The following TTC6 variants were observed in gnomAD, a reference collection of about 807,000 sequenced individuals.
The protein encoded by TTC6 is tetratricopeptide repeat domain 6, also known as tetratricopeptide repeat protein 6.
TTC6 carries 172 observed loss-of-function variants against 210.4 expected under a neutral mutation model. The ratio of observed to expected loss-of-function variants is 0.82; its 90% CI spans 0.72 to 0.93. The LOEUF (loss-of-function observed/expected upper bound fraction) is 0.93, where lower values mean the gene tolerates loss of function less well. Ranked by LOEUF, TTC6 falls within the 40% of genes least tolerant of loss-of-function variation. The pLI is 0.00. For missense variants in TTC6, 2,414 were observed against 2,318.1 expected, an observed-to-expected ratio of 1.04 and a Z score of -0.85; for synonymous variants, 804 against 819.6, an observed-to-expected ratio of 0.98 and a Z score of 0.32.
intron 1 of TTC6, among the ~76,000 whole-genome samples, chr14:37,634,899 T>A (rs2095677132): frequency 6.6e-6 from 1 of 152,120 alleles, no homozygotes; most frequent in South Asian, 2.1e-4. Flanking sequence ...GAAGGGGAAA[T>A]CAACACATTC....
At chr14:37,713,591 G>A (rs2095848019) in intron 5 of TTC6, among the ~76,000 whole-genome samples, 1 of 152,164 alleles carries the variant, frequency 6.6e-6, no homozygotes, top group African/African-American at 2.4e-5. Flanking sequence ...ATTAGAAGGA[G>A]GATGGAATGG....
intron 14 of TTC6, among the ~76,000 whole-genome samples, chr14:37,755,380 T>G (rs1212304570): frequency 1.3e-5 from 2 of 152,240 alleles, no homozygotes; most frequent in Admixed American, 1.3e-4. Flanking sequence ...CTCTTTAGTT[T>G]AATTAGATCC....
chr14:37,634,038 A>C (rs2095675260), intron 1 of TTC6, among the ~76,000 whole-genome samples: 1 of 152,188 alleles, frequency 6.6e-6, no homozygotes, highest in African/African-American at 2.4e-5. Flanking sequence ...ATAATATCCA[A>C]AATGTCCAGG....
intron 1 of TTC6, among the ~76,000 whole-genome samples, chr14:37,640,842 C>T (rs2095690528): frequency 6.6e-6 from 1 of 152,226 alleles, no homozygotes; most frequent in Admixed American, 6.5e-5. Flanking sequence ...CGCACCTAGC[C>T]AATGTAGACA....
chr14:37,767,654 T>C (rs2096003543), intron 14 of TTC6, among the ~76,000 whole-genome samples: 1 of 152,186 alleles, frequency 6.6e-6, no homozygotes, highest in Non-Finnish European at 1.5e-5. Context: ...GTTGTTTGTT[T>C]TTTTCTTGTA....
chr14:37,816,786 C>A (rs567834872), intron 25 of TTC6, among the ~76,000 whole-genome samples: 1 of 151,918 alleles, frequency 6.6e-6, no homozygotes, highest in African/African-American at 2.4e-5. Context: ...TTAAATGTAG[C>A]GATGTTCTTA....
chr14:37,818,751 G>A (rs1190256691), intron 26 of TTC6, among the ~76,000 whole-genome samples: 1 of 152,018 alleles, frequency 6.6e-6, no homozygotes, highest in East Asian at 1.9e-4. Flanking sequence ...ATTTTGTACA[G>A]ACAGCAAAAC....
intron 14 of TTC6, among the ~76,000 whole-genome samples, chr14:37,761,756 G>C (rs1477373941): frequency 2.0e-5 from 3 of 152,072 alleles, no homozygotes; most frequent in Non-Finnish European, 4.4e-5. Context: ...TTATATGATA[G>C]TATTCTTTTA....
At chr14:37,667,059 A>T (rs896057183) in intron 1 of TTC6, among the ~76,000 whole-genome samples, 4 of 149,322 alleles carry the variant, frequency 2.7e-5, no homozygotes, top group African/African-American at 2.4e-5. Context: ...ATTGTATCTA[A>T]TTTTTTACTT....
chr14:37,677,769 G>T (rs2095773573), intron 1 of TTC6, among the ~76,000 whole-genome samples: 1 of 151,840 alleles, frequency 6.6e-6, no homozygotes, highest in East Asian at 1.9e-4. Flanking sequence ...CTGTTGATAT[G>T]CCTTTAAGTT....
At chr14:37,642,080 A>G (rs1259913289) in intron 1 of TTC6, among the ~76,000 whole-genome samples, 2 of 152,170 alleles carry the variant, frequency 1.3e-5, no homozygotes, top group East Asian at 3.8e-4. Context: ...AAAGACCTAG[A>G]TGCTCAGGTA....
At chr14:37,755,760 G>A (rs749122157) in intron 14 of TTC6, among the ~76,000 whole-genome samples, 11 of 152,176 alleles carry the variant, frequency 7.2e-5, no homozygotes, top group Non-Finnish European at 4.4e-5. Flanking sequence ...CTGTAGCCTT[G>A]TAGTATAGTG....
At chr14:37,701,516 C>A in exon 5 of TTC6, 1 of 1,469,042 alleles carries the variant, frequency 6.8e-7, no homozygotes, top group Non-Finnish European at 8.9e-7. Flanking sequence ...AGATGAAGAA[C>A]AAACAGATAG....
At chr14:37,645,616 A>C (rs2095700164) in intron 1 of TTC6, among the ~76,000 whole-genome samples, 1 of 152,224 alleles carries the variant, frequency 6.6e-6, no homozygotes, top group Non-Finnish European at 1.5e-5. Flanking sequence ...AGAAGTCTGA[A>C]GGAAGTAAGG....
At chr14:37,790,945 G>A (rs775424381) in intron 16 of TTC6, 108 bp downstream of exon 18, 77 of 897,118 alleles carry the variant, frequency 8.6e-5, no homozygotes, top group Non-Finnish European at 1.1e-4. Context: ...TAGAAAAAAT[G>A]AGACACTTAT....
At chr14:37,814,003 C>T (rs911214864) in intron 25 of TTC6, among the ~76,000 whole-genome samples, 2 of 152,192 alleles carry the variant, frequency 1.3e-5, no homozygotes, top group Non-Finnish European at 2.9e-5. Flanking sequence ...CTTAAGGTTC[C>T]ACTCTTGCCC....
intron 14 of TTC6, among the ~76,000 whole-genome samples, chr14:37,759,516 T>C (rs559955028): frequency 1.3e-5 from 2 of 152,280 alleles, no homozygotes; most frequent in East Asian, 3.9e-4. Context: ...TTTAGTGGTG[T>C]TCTCTGTGTT....
intron 14 of TTC6, among the ~76,000 whole-genome samples, chr14:37,760,265 G>T (rs1478650194): frequency 6.6e-6 from 1 of 152,104 alleles, no homozygotes; most frequent in Non-Finnish European, 1.5e-5. Context: ...CCCCTGTTCT[G>T]TAGGTCTGCT....
chr14:37,600,878 G>A (rs2095614423), intron 1 of TTC6, among the ~76,000 whole-genome samples: 1 of 152,186 alleles, frequency 6.6e-6, no homozygotes, highest in South Asian at 2.1e-4. Flanking sequence ...TAAGAGTTGT[G>A]CATTTGCATA....
Sources: allele counts gnomAD v4.1 joint callset (sites outside exome capture counted in the v4.1 genomes callset), GRCh38; gene constraint gnomAD v4.1.1; transcripts MANE v1.5; gene names NCBI Gene and HGNC (gene_info 2026-07-23, HGNC 2026-07-21).